UNC13B: variants seen among roughly 807,000 people sequenced by gnomAD.
UNC13B encodes the protein protein unc-13 homolog B.
In UNC13B, 144 loss-of-function variants were observed where a neutral mutation model predicts 211.0. The observed-to-expected ratio is 0.68, with a 90% confidence interval of 0.60 to 0.78. UNC13B has a LOEUF of 0.78. UNC13B is among the 30% of genes least tolerant of loss of function. The pLI, the probability that UNC13B is intolerant of heterozygous loss-of-function variation, is 0.00. For synonymous variants in UNC13B, 709 were observed against 725.8 expected (o/e 0.98, Z 0.37); for missense variants, 1,777 against 2,002.0 (o/e 0.89, Z 2.14).
chr9:35,381,425 A>G (rs1295095825), intron 19 of UNC13B, 131 bp from the exon 20 acceptor site: 13 of 1,194,502 alleles, frequency 1.1e-5, no homozygotes, highest in Non-Finnish European at 1.5e-5. Context: ...CACAGGAGGA[A>G]CTGAGCAATG....
intron 17 of UNC13B, among the ~76,000 whole-genome samples, chr9:35,379,413 T>G (rs894107332): frequency 3.3e-5 from 5 of 151,732 alleles, no homozygotes; most frequent in African/African-American, 7.3e-5. Context: ...CATGCCACTG[T>G]ACTCCAGCCT....
At chr9:35,363,926 G>A (rs1216909556) in intron 11 of UNC13B, among the ~76,000 whole-genome samples, 4 of 152,146 alleles carry the variant, frequency 2.6e-5, no homozygotes, top group Admixed American at 6.5e-5. Context: ...GCAGCCAGTC[G>A]ATGCCCCCAG....
At chr9:35,371,349 C>CTTTTTTTTTTTT (rs751513784) in intron 13 of UNC13B, among the ~76,000 whole-genome samples, 1 of 138,834 alleles carries the variant, frequency 7.2e-6, no homozygotes, top group Non-Finnish European at 1.6e-5. Context: ...TTCTTTCTTT[C>CTTTTTTTTTTTT]TTTTTTTTTT....
At chr9:35,212,434 A>G (rs1298260166) in intron 1 of UNC13B, among the ~76,000 whole-genome samples, 1 of 152,166 alleles carries the variant, frequency 6.6e-6, no homozygotes, top group Non-Finnish European at 1.5e-5. Context: ...TTAGCCAAGC[A>G]CAGTGGCGTG....
At position 35,384,300 on chromosome 9, in the gene UNC13B, C is replaced by G. The variant is rs763778650; in HGVS notation, c.10861C>G (p.Leu3621Val). Residue 3621 changes from leucine to valine, a missense_variant, in exon 22 of 40, where the codon CTC becomes GTC. Leu to Val is a conservative substitution (Grantham distance 32). Transcript: ENST00000635942. ...DQLHNSLRIDLSTYRNNFPAG... is the reference protein window; with the variant it reads ...DQLHNSLRIDVSTYRNNFPAG... ...GCTACACAACTCACTGAGGATCGAC[C>G]TCTCTACATACAGGGTGAGTGAAGA... 6.2e-7 allele frequency: 1 copy of G among 1,613,952 alleles called. No individual in the cohort carries two copies. Among genetic ancestry groups the G allele is most frequent in the Non-Finnish European group, 8.5e-7 (1 of 1,179,952 alleles).
chr9:35,162,040 C>A lies in UNC13B; in HGVS notation c.-244C>A, dbSNP rs1401116571. ...GGCAGCTCCTACCTCCCAGCGATGG[C>A]GTCGCTGTGCCGCGCCCAGTCCCCA... On this transcript the variant is annotated 5_prime_UTR_variant, in exon 1 of 40. Transcript: ENST00000635942. 1.6e-5 allele frequency: 9 copies of A among 553,996 alleles called. No individual in the cohort carries two copies. The highest frequency in any genetic ancestry group is 1.6e-4 in the African/African-American group (8 of 49,518). The allele number at this position is 553,996 out of a possible 1,614,324, so 34.3% of individuals were successfully genotyped here.
At position 35,208,099 on chromosome 9, in the gene UNC13B, G is replaced by A. The variant is rs117863105; in HGVS notation, c.23-19916G>A. On this transcript the variant is annotated intron_variant, in intron 1 of 39. Transcript: ENST00000635942. ...GCCAGTAGATAACTGTCATTTTTAA[G>A]TCTGTGGATAAAAGAGCGTGTTACT... Among the ~76,000 whole-genome samples the A allele has an allele frequency of 8.4e-3, 1,284 of 152,248 alleles. 10 individuals are homozygous for A. Among genetic ancestry groups the A allele is most frequent in the Non-Finnish European group, 0.014 (952 of 68,022 alleles).
At chr9:35,231,666 T>A (rs1055154436) in intron 3 of UNC13B, among the ~76,000 whole-genome samples, 4 of 152,220 alleles carry the variant, frequency 2.6e-5, no homozygotes, top group African/African-American at 9.6e-5. Flanking sequence ...TCATCTGTTT[T>A]AGAGGCTGAA....
At chr9:35,178,885 C>CAAAAAAAAAAAAAAAAAAAAAAAAAAAAA (rs35487632) in intron 1 of UNC13B, among the ~76,000 whole-genome samples, 1 of 61,120 alleles carries the variant, frequency 1.6e-5, no homozygotes. Context: ...GAGACAGCCT[C>CAAAAAAAAAAAAAAAAAAAAAAAAAAAAA]AAAAAAAAAA....
intron 6 of UNC13B, 30 bp downstream of exon 6, chr9:35,243,394 A>AGATAG: frequency 6.2e-7 from 1 of 1,610,326 alleles, no homozygotes. Context: ...CAGTATAGAG[A>AGATAG]GATGGGGGAA....
In UNC13B at chr9:35,396,584, A is replaced by C. The variant is rs1403555961; in HGVS notation, c.11417A>C (p.Gln3806Pro). ...YVRDLPVLQG[Q>P]VPEYPAWFEQ... is the part of the protein sequence containing the mutation. ...CGGGATCTGCCTGTCCTCCAGGGGC[A>C]GGTGCCTGAGTACCCAGCGTGAGTC... Residue 3806 changes from glutamine (Q) to proline (P), a missense_variant, in exon 27 of 40, where the codon CAG becomes CCG. Coordinates refer to ENST00000635942, the MANE Select transcript of UNC13B (RefSeq NM_001371189.2). The C allele has an allele frequency of 6.2e-7, 1 of 1,614,002 alleles. No individual in the cohort carries two copies. The highest frequency in any genetic ancestry group is 2.2e-5 in the East Asian group (1 of 44,868).
chr9:35,352,747 C>A, intron 11 of UNC13B: 2 of 1,232,192 alleles, frequency 1.6e-6, no homozygotes, highest in Non-Finnish European at 2.0e-6. Flanking sequence ...TTATCAGTGG[C>A]AGCTGTGATG....
rs554043904 is a variant in UNC13B, at chr9:35,205,808, A to AT, written c.23-22205dup. Among the ~76,000 whole-genome samples, 117 of 152,318 alleles carry AT rather than the reference A, an allele frequency of 7.7e-4. 2 individuals are homozygous for AT. In the South Asian group the frequency reaches 0.019, roughly 25 times the overall value. The stretch of plus-strand genomic sequence containing the variant: ...TTTATTCATTCATCAGTTGATGGAC[A>AT]TTGCATTGTTTCCACTTTTGGACTG... On this transcript the variant is annotated intron_variant, in intron 1 of 39. Transcript: ENST00000635942.
chr9:35,202,567 C>T (rs1394803443), intron 1 of UNC13B, among the ~76,000 whole-genome samples: 1 of 152,104 alleles, frequency 6.6e-6, no homozygotes, highest in Admixed American at 6.6e-5. Context: ...GGATAGTTAG[C>T]TCTTCTTGTT....
chr9:35,262,411 G>A (rs1827332728), intron 7 of UNC13B, among the ~76,000 whole-genome samples: 1 of 151,978 alleles, frequency 6.6e-6, no homozygotes, highest in African/African-American at 2.4e-5. Flanking sequence ...TTGCCTCCTG[G>A]GTTCAACCAA....
intron 22 of UNC13B, 23 bp downstream of exon 22, chr9:35,384,337 G>A (rs200216147): frequency 2.1e-4 from 340 of 1,612,580 alleles, no homozygotes; most frequent in Admixed American, 4.7e-4. Context: ...ACGGCTGTGG[G>A]CAGGATAATA....
Position 35,403,245 on chromosome 9 carries a change from A to G in UNC13B, c.12563A>G (p.Lys4188Arg). ...ACACACCCTGGTACTGGGGAGCACA[A>G]GGTCACAGTGAAAGGTGAGTGATGG... is the stretch of plus-strand genomic sequence containing the variant. ...LFTHPGTGEH[K>R]VTVKVVAAND... Residue 4188 changes from lysine to arginine, a missense_variant, in exon 38 of 40, where the codon AAG (lysine) becomes AGG (arginine). Physicochemically the swap from Lys to Arg is conservative, Grantham distance 26. Transcript: ENST00000635942. 1.9e-6 allele frequency: 3 copies of G among 1,614,088 alleles called. No homozygotes were observed. The South Asian group carries it at 3.3e-5, about 18-fold the overall frequency.
At chr9:35,250,568 A>G (rs1826404737) in intron 6 of UNC13B, among the ~76,000 whole-genome samples, 1 of 152,198 alleles carries the variant, frequency 6.6e-6, no homozygotes, top group African/African-American at 2.4e-5. Flanking sequence ...TAGTTGATGG[A>G]CAGTTGGGTT....
chr9:35,208,135 G>A (rs1823766682), intron 1 of UNC13B, among the ~76,000 whole-genome samples: 1 of 152,176 alleles, frequency 6.6e-6, no homozygotes, highest in Non-Finnish European at 1.5e-5. Flanking sequence ...TTGCCAACTT[G>A]TAAACTCCCC....
Sources: allele counts gnomAD v4.1 joint callset (sites outside exome capture counted in the v4.1 genomes callset), GRCh38; gene constraint gnomAD v4.1.1; transcripts MANE v1.5; gene names NCBI Gene and HGNC (gene_info 2026-07-23, HGNC 2026-07-21).